The following RPF2 variants were observed in gnomAD, a reference collection of about 807,000 sequenced individuals.
RPF2 encodes brix domain containing 1.
A neutral mutation model predicts 38.9 loss-of-function variants in RPF2; 21 were observed. That is an observed-to-expected ratio of 0.54 (90% confidence interval 0.38 to 0.78). The LOEUF is 0.78. RPF2 is among the 30% of genes least tolerant of loss of function. RPF2 has a pLI of 0.00. For synonymous variants in RPF2, 121 were observed against 126.2 expected (o/e 0.96, Z 0.28); for missense variants, 314 against 358.1 (o/e 0.88, Z 0.99).
chr6:111,006,034 G>A (rs1771901315), intron 6 of RPF2, among the ~76,000 whole-genome samples: 1 of 152,010 alleles, frequency 6.6e-6, no homozygotes. Context: ...TCAAACTCCT[G>A]ACCTCAAGTG....
intron 3 of RPF2, among the ~76,000 whole-genome samples, chr6:110,990,648 G>A (rs1313292348): frequency 2.0e-5 from 3 of 148,824 alleles, no homozygotes; most frequent in East Asian, 4.0e-4. Flanking sequence ...GCAGTGGTGC[G>A]ACCTCAGCTC....
intron 7 of RPF2, among the ~76,000 whole-genome samples, chr6:111,014,075 G>A (rs1772064021): frequency 3.3e-5 from 5 of 150,856 alleles, no homozygotes; most frequent in South Asian, 2.1e-4. Context: ...GGAGGGTGGT[G>A]TATAAATGTG....
intron 8 of RPF2, among the ~76,000 whole-genome samples, chr6:111,021,185 A>C (rs1772228203): frequency 6.6e-6 from 1 of 152,090 alleles, no homozygotes; most frequent in Non-Finnish European, 1.5e-5. Flanking sequence ...TAAAAATAAA[A>C]ACAAAAATAA....
rs1440894938 is a variant in RPF2 at position 111,017,304 on chromosome 6, G to A, written c.596+1448G>A. 3.3e-5 allele frequency among the ~76,000 whole-genome samples: 5 copies of A among 151,134 alleles called. 1 individual carries two copies. The highest frequency in any genetic ancestry group is 5.9e-5 in the Non-Finnish European group (4 of 67,672). On this transcript the variant is annotated intron_variant, in intron 8 of 9. Coordinates refer to ENST00000441448, the MANE Select transcript of RPF2 (RefSeq NM_032194.3). The stretch of plus-strand genomic sequence containing the variant: ...CTCCCGGACGGGGCGGCGGCTGGGC[G>A]GAGGCGCCCCCACCTCCCTCCCGGA...
At chr6:111,021,396 G>A (rs952261532) in intron 8 of RPF2, among the ~76,000 whole-genome samples, 2 of 152,132 alleles carry the variant, frequency 1.3e-5, no homozygotes, top group Non-Finnish European at 1.5e-5. Flanking sequence ...ATAAAAAATG[G>A]ACACTGTGAT....
intron 9 of RPF2, 43 bp from the exon 10 acceptor site, chr6:111,025,360 A>G (rs1314329075): frequency 1.5e-6 from 2 of 1,366,118 alleles, no homozygotes; most frequent in Non-Finnish European, 2.0e-6. Flanking sequence ...CTGGCTCATT[A>G]TAGTAGAAGG....
chr6:110,999,431 C>T (rs1051441352), intron 5 of RPF2, among the ~76,000 whole-genome samples: 1 of 152,110 alleles, frequency 6.6e-6, no homozygotes, highest in African/African-American at 2.4e-5. Flanking sequence ...GCCTGGCATG[C>T]TCACTGGCTT....
At chr6:110,995,746 A>AT (rs1167633507) in intron 4 of RPF2, among the ~76,000 whole-genome samples, 1 of 152,214 alleles carries the variant, frequency 6.6e-6, no homozygotes, top group East Asian at 1.9e-4. Flanking sequence ...CCACACCTAG[A>AT]TTTTTTTAGT....
chr6:111,016,937 C>A (rs981515978), intron 8 of RPF2, among the ~76,000 whole-genome samples: 1 of 151,858 alleles, frequency 6.6e-6, no homozygotes, highest in Non-Finnish European at 1.5e-5. Flanking sequence ...CATCTTGCAC[C>A]GCCCTTAATC....
At chr6:111,019,827 G>C (rs1281790265) in intron 8 of RPF2, among the ~76,000 whole-genome samples, 1 of 152,070 alleles carries the variant, frequency 6.6e-6, no homozygotes, top group Non-Finnish European at 1.5e-5. Flanking sequence ...GTTTAGACTT[G>C]GATCTCATCC....
chr6:111,027,189 C>G lies in RPF2; in HGVS notation c.*1607C>G, dbSNP rs1016760087. ...TTCGAGCCTCAGCTTTACCTTCTAC[C>G]CTTTCCCTTCTCTTTTGAATCCATT... On this transcript the variant is annotated 3_prime_UTR_variant, in exon 10 of 10. Transcript: ENST00000441448. The G allele has an allele frequency of 4.6e-5, 7 of 152,306 alleles. No homozygotes were observed. The highest frequency in any genetic ancestry group is 3.4e-3 in the Middle Eastern group (1 of 294). The allele number at this position is 152,306 out of a possible 1,614,324, so 9.4% of individuals were successfully genotyped here.
At chr6:111,025,370 G>A (rs1217118546) in intron 9 of RPF2, 33 bp from the exon 10 acceptor site, 1 of 1,435,882 alleles carries the variant, frequency 7.0e-7, no homozygotes. Flanking sequence ...ATAGTAGAAG[G>A]CCATTAAATA....
At chr6:110,997,316 C>A (rs751824268) in intron 5 of RPF2, 52 bp downstream of exon 5, 2 of 1,121,660 alleles carry the variant, frequency 1.8e-6, no homozygotes, top group South Asian at 2.6e-5. Context: ...AATTTGTTAG[C>A]AGCAGCGAAT....
At chr6:110,992,310 C>CA (rs908841607) in intron 4 of RPF2, among the ~76,000 whole-genome samples, 28 of 142,236 alleles carry the variant, frequency 2.0e-4, no homozygotes, top group Admixed American at 2.8e-4. Flanking sequence ...AACTCCGGCT[C>CA]AAAAAAAAAA....
chr6:110,994,752 C>T (rs1344341274), intron 4 of RPF2, among the ~76,000 whole-genome samples: 9 of 123,362 alleles, frequency 7.3e-5, no homozygotes, highest in African/African-American at 1.4e-4. Context: ...CACACACACA[C>T]ACACACACAC....
chr6:110,986,572 GCTTTGTTTTTTCTAC>G (rs1246582349), intron 2 of RPF2, among the ~76,000 whole-genome samples: 2 of 152,174 alleles, frequency 1.3e-5, no homozygotes, highest in African/African-American at 4.8e-5. Flanking sequence ...GAAAATAAAA[GCTTTGTTTTTTCTAC>G]CTCTGTAGCC....
At chr6:111,022,057 T>A (rs1412443591) in intron 8 of RPF2, among the ~76,000 whole-genome samples, 2 of 152,254 alleles carry the variant, frequency 1.3e-5, no homozygotes, top group Admixed American at 6.5e-5. Context: ...TGGGAAATTT[T>A]ATTCACTATG....
intron 2 of RPF2, among the ~76,000 whole-genome samples, chr6:110,988,461 G>T: frequency 6.7e-6 from 1 of 148,572 alleles, no homozygotes; most frequent in African/African-American, 2.5e-5. Context: ...TCTGAGACAG[G>T]GTCTCACTCT....
intron 8 of RPF2, among the ~76,000 whole-genome samples, chr6:111,017,579 C>T (rs534526794): frequency 3.5e-5 from 4 of 114,780 alleles, no homozygotes; most frequent in African/African-American, 6.9e-5. Flanking sequence ...CAGATGGGGT[C>T]GCGGCCGGGC....
Sources: gnomAD v4.1 joint callset for allele counts (sites outside exome capture counted in the v4.1 genomes callset) on GRCh38, gnomAD v4.1.1 for gene constraint, MANE v1.5 for transcripts, NCBI Gene and HGNC (gene_info 2026-07-23, HGNC 2026-07-21) for gene names.